Variants in LPP observed in about 807,000 individuals in gnomAD.
LPP encodes lipoma-preferred partner.
Under a neutral mutation model 60.4 loss-of-function variants are expected in LPP, and 38 were observed. That is an observed-to-expected ratio of 0.63 (90% CI 0.49 to 0.83). The LOEUF is 0.83. Among genes scored for constraint, LPP ranks in the 40% least tolerant of loss-of-function variants. LPP has a pLI of 0.00. For missense variants in LPP, 902 were observed against 783.6 expected, an observed-to-expected ratio of 1.15 and a Z score of -1.80; for synonymous variants, 328 against 290.8, an observed-to-expected ratio of 1.13 and a Z score of -1.30.
intron 1 of LPP, among the ~76,000 whole-genome samples, chr3:188,163,819 T>C (rs1031629858): frequency 6.7e-6 from 1 of 149,006 alleles, no homozygotes; most frequent in Non-Finnish European, 1.5e-5. Context: ...GGTGTGGTAG[T>C]GGGCGCCTGT....
At chr3:188,273,589 C>CTTTTTTTTTTTTTTTTTTTTTT (rs11380757) in intron 2 of LPP, among the ~76,000 whole-genome samples, 1 of 80,422 alleles carries the variant, frequency 1.2e-5, no homozygotes. Flanking sequence ...TATTTTATAT[C>CTTTTTTTTTTTTTTTTTTTTTT]TTTTTTTTTT....
chr3:188,841,467 C>G (rs1760000136), intron 9 of LPP, among the ~76,000 whole-genome samples: 1 of 146,342 alleles, frequency 6.8e-6, no homozygotes, highest in Admixed American at 7.1e-5. Context: ...TCTCGGCTCA[C>G]TGCAACCTCT....
intron 4 of LPP, among the ~76,000 whole-genome samples, chr3:188,409,337 A>G (rs1784383701): frequency 1.3e-5 from 2 of 152,210 alleles, no homozygotes; most frequent in Admixed American, 1.3e-4. Flanking sequence ...TTAAAGACAA[A>G]TCTTGGGAAC....
At chr3:188,550,651 T>A (rs972099311) in intron 6 of LPP, among the ~76,000 whole-genome samples, 1 of 151,892 alleles carries the variant, frequency 6.6e-6, no homozygotes, top group Non-Finnish European at 1.5e-5. Context: ...TAAGTATGTA[T>A]TTACTTTAGG....
chr3:188,440,949 A>ATGTGTGTGTG (rs10680234), intron 4 of LPP, among the ~76,000 whole-genome samples: 2,177 of 146,924 alleles, frequency 0.015, 50 homozygotes, highest in African/African-American at 0.05. Context: ...CTCCCTTAAT[A>ATGTGTGTGTG]TGTGTGTGTG....
At chr3:188,700,465 G>A (rs1864179434) in intron 7 of LPP, among the ~76,000 whole-genome samples, 1 of 152,198 alleles carries the variant, frequency 6.6e-6, no homozygotes, top group African/African-American at 2.4e-5. Context: ...GCAAGATGGT[G>A]TGGTGTTTTC....
intron 6 of LPP, among the ~76,000 whole-genome samples, chr3:188,539,651 T>A (rs1341438621): frequency 6.6e-6 from 1 of 152,170 alleles, no homozygotes; most frequent in Non-Finnish European, 1.5e-5. Flanking sequence ...GTGTTCTGAG[T>A]TGATAACACA....
At chr3:188,308,710 C>T (rs1378216757) in intron 2 of LPP, among the ~76,000 whole-genome samples, 4 of 152,112 alleles carry the variant, frequency 2.6e-5, no homozygotes, top group Non-Finnish European at 5.9e-5. Flanking sequence ...GGGTGCTCCC[C>T]TTATGCGGAG....
At chr3:188,548,502 G>A (rs182515036) in intron 6 of LPP, among the ~76,000 whole-genome samples, 58 of 152,306 alleles carry the variant, frequency 3.8e-4, no homozygotes, top group African/African-American at 1.4e-3. Context: ...AGCTGGGCGA[G>A]TTATCACCAT....
At chr3:188,840,984 G>A (rs539102598) in intron 9 of LPP, among the ~76,000 whole-genome samples, 16 of 152,184 alleles carry the variant, frequency 1.1e-4, no homozygotes, top group African/African-American at 2.6e-4. Flanking sequence ...TTTAGAACTC[G>A]CTTTTCTTCC....
At chr3:188,724,692 T>C (rs9290877) in intron 8 of LPP, among the ~76,000 whole-genome samples, 32,860 of 152,248 alleles carry the variant, frequency 0.22, 4,488 homozygotes, top group Middle Eastern at 0.46. Flanking sequence ...TTGGTTATTA[T>C]GATTGTAGCA....
chr3:188,313,496 A>G (rs748581583), intron 2 of LPP, among the ~76,000 whole-genome samples: 10 of 151,878 alleles, frequency 6.6e-5, no homozygotes, highest in Non-Finnish European at 1.2e-4. Context: ...AAATTAGCCA[A>G]GTGTGGTGGC....
chr3:188,728,141 A>C (rs2149993475), intron 8 of LPP, among the ~76,000 whole-genome samples: 1 of 152,250 alleles, frequency 6.6e-6, no homozygotes, highest in East Asian at 1.9e-4. Context: ...TGAAACTCTG[A>C]TCTACTGACA....
chr3:188,829,616 C>T (rs1756585102), intron 9 of LPP, among the ~76,000 whole-genome samples: 1 of 152,130 alleles, frequency 6.6e-6, no homozygotes. Flanking sequence ...GAATCAGAAG[C>T]TCAGAGAGGG....
intron 6 of LPP, among the ~76,000 whole-genome samples, chr3:188,600,970 A>G (rs540023001): frequency 8.6e-5 from 13 of 151,676 alleles, no homozygotes; most frequent in African/African-American, 2.4e-4. Context: ...GTGTGTGTGT[A>G]TATATATATA....
intron 8 of LPP, among the ~76,000 whole-genome samples, chr3:188,715,443 A>T: frequency 6.6e-6 from 1 of 151,170 alleles, no homozygotes; most frequent in South Asian, 2.1e-4. Flanking sequence ...AAATTATTAT[A>T]ATTTAGAGTC....
intron 6 of LPP, among the ~76,000 whole-genome samples, chr3:188,599,402 G>A (rs1190592153): frequency 6.6e-6 from 1 of 152,062 alleles, no homozygotes; most frequent in Non-Finnish European, 1.5e-5. Flanking sequence ...AGATTTTCAA[G>A]GTAGCATCTG....
chr3:188,479,281 A>G (rs1207464132), intron 4 of LPP, among the ~76,000 whole-genome samples: 2 of 152,174 alleles, frequency 1.3e-5, no homozygotes, highest in Non-Finnish European at 2.9e-5. Context: ...TCCCCTCAAC[A>G]AAGTGGGAGA....
At position 188,560,161 on chromosome 3, in the gene LPP, G is replaced by A. The variant is rs114085302; in HGVS notation, c.429+35374G>A. ...AGAATAATTACAGAGAATGCATAGAGAGCATCTAACACAGAGACTGACAGG... is the reference window on the plus strand; with the variant it reads ...AGAATAATTACAGAGAATGCATAGAAAGCATCTAACACAGAGACTGACAGG... On this transcript the variant is annotated intron_variant, in intron 6 of 11. Transcript: ENST00000617246. 4.2e-3 allele frequency among the ~76,000 whole-genome samples: 640 copies of A among 152,216 alleles called. 6 individuals are homozygous for A. The highest frequency in any genetic ancestry group is 0.011 in the African/African-American group (463 of 41,552).
Sources: allele counts gnomAD v4.1 joint callset (sites outside exome capture counted in the v4.1 genomes callset), GRCh38; gene constraint gnomAD v4.1.1; transcripts MANE v1.5; gene names NCBI Gene and HGNC (gene_info 2026-07-23, HGNC 2026-07-21).